Variants in ZNRF3 observed in about 807,000 individuals in gnomAD.
ZNRF3 encodes E3 ubiquitin-protein ligase ZNRF3.
Under a neutral mutation model 72.5 loss-of-function variants are expected in ZNRF3, and 23 were observed. The ratio of observed to expected loss-of-function variants is 0.32; its 90% CI spans 0.23 to 0.45. ZNRF3 has a LOEUF of 0.45. Among genes scored for constraint, ZNRF3 ranks in the 20% least tolerant of loss-of-function variants. The pLI, the probability that ZNRF3 is intolerant of heterozygous loss-of-function variation, is 1.00. For synonymous variants in ZNRF3, 610 were observed against 545.3 expected (o/e 1.12, Z -1.65); for missense variants, 1,169 against 1,272.1 (o/e 0.92, Z 1.23).
intron 2 of ZNRF3, among the ~76,000 whole-genome samples, chr22:29,008,156 A>C (rs1406585699): frequency 6.6e-6 from 1 of 152,170 alleles, no homozygotes; most frequent in Non-Finnish European, 1.5e-5. Flanking sequence ...TGGCACAATT[A>C]ATCTGTGTTC....
chr22:29,022,684 C>A (rs2123862272), intron 2 of ZNRF3, among the ~76,000 whole-genome samples: 1 of 152,326 alleles, frequency 6.6e-6, no homozygotes, highest in South Asian at 2.1e-4. Context: ...GAAGCAATCT[C>A]AGTAGGTTGG....
intron 2 of ZNRF3, among the ~76,000 whole-genome samples, chr22:28,991,710 C>G (rs764216198): frequency 6.6e-6 from 1 of 152,040 alleles, no homozygotes; most frequent in African/African-American, 2.4e-5. Flanking sequence ...ATAAGCAAAT[C>G]GAGTCCTAGA....
At chr22:28,987,318 C>G in intron 2 of ZNRF3, 117 bp downstream of exon 2, 1 of 1,458,746 alleles carries the variant, frequency 6.9e-7, no homozygotes, top group Non-Finnish European at 9.1e-7. Context: ...AGTGCTCCTT[C>G]CCGGCTGAAG....
At chr22:29,043,879 A>C (rs1461565951) in intron 4 of ZNRF3, among the ~76,000 whole-genome samples, 1 of 152,180 alleles carries the variant, frequency 6.6e-6, no homozygotes, top group South Asian at 2.1e-4. Context: ...AAACTCCCCA[A>C]GTTAATTTGA....
At chr22:28,905,171 G>A (rs750882616) in intron 1 of ZNRF3, among the ~76,000 whole-genome samples, 4 of 151,888 alleles carry the variant, frequency 2.6e-5, no homozygotes, top group East Asian at 1.9e-4. Context: ...TCCTGGGCTC[G>A]AGCAATCCTC....
rs372584021 is a variant in ZNRF3 at position 28,887,435 on chromosome 22, A to G, written c.300+3369A>G. Among the ~76,000 whole-genome samples the G allele has an allele frequency of 6.6e-4, 101 of 152,208 alleles. 4 individuals are homozygous for G. In the South Asian group the frequency reaches 0.014, roughly 21 times the overall value. ...GAGAGAGAGAGAGAGTGCAAGAGGG[A>G]GGGAGGTAGTAATTCAAACCTTAGG... On this transcript the variant is annotated intron_variant, in intron 1 of 8. Transcript: ENST00000544604.
Position 29,030,674 on chromosome 22 carries a change from G to A in ZNRF3, c.427-11821G>A, listed in dbSNP as rs2036729714. The stretch of plus-strand genomic sequence containing the variant: ...GTCGGAGAAGGCCGGATGGCAGCCC[G>A]CCCCGAAAGTCCCGGCCCGCTGGAT... On this transcript the variant is annotated intron_variant, in intron 2 of 8. Transcript: ENST00000544604. The surrounding 1 kb of genome is among the most constrained non-coding windows in gnomAD (Gnocchi z 4.2). Among the ~76,000 whole-genome samples the A allele has an allele frequency of 7.0e-6, 1 of 142,308 alleles. No homozygotes were observed. Among genetic ancestry groups the A allele is most frequent in the South Asian group, 2.2e-4 (1 of 4,538 alleles). The allele number at this position is 142,308 out of a possible 152,430, so 93.4% of individuals were successfully genotyped here.
chr22:29,002,493 A>C (rs1159239109), intron 2 of ZNRF3, among the ~76,000 whole-genome samples: 1 of 152,126 alleles, frequency 6.6e-6, no homozygotes. Context: ...TAAGCTTCCC[A>C]CCCCTGCTGC....
At chr22:29,044,962 G>A (rs746642338) in intron 5 of ZNRF3, 72 bp downstream of exon 5, 62 of 1,087,412 alleles carry the variant, frequency 5.7e-5, no homozygotes, top group East Asian at 3.1e-4. Flanking sequence ...CAGGACTCTC[G>A]TCACCTTATT....
chr22:29,006,470 C>A (rs185080956), intron 2 of ZNRF3, among the ~76,000 whole-genome samples: 34 of 152,240 alleles, frequency 2.2e-4, no homozygotes, highest in African/African-American at 7.9e-4. Flanking sequence ...CCTCGTCCTC[C>A]GAAAGTGCTG....
chr22:29,044,009 C>T (rs1422082634), intron 4 of ZNRF3, among the ~76,000 whole-genome samples: 4 of 152,328 alleles, frequency 2.6e-5, no homozygotes, highest in Admixed American at 1.3e-4. Flanking sequence ...GCCTCTTCTG[C>T]TCAAACCTCA....
chr22:28,906,206 A>G (rs922258929), intron 1 of ZNRF3, among the ~76,000 whole-genome samples: 2 of 152,232 alleles, frequency 1.3e-5, no homozygotes, highest in Non-Finnish European at 2.9e-5. Context: ...GCACGTCTGT[A>G]GTCCCAACTA....
At chr22:29,053,322 A>G (rs191037935) in intron 8 of ZNRF3, among the ~76,000 whole-genome samples, 18 of 152,332 alleles carry the variant, frequency 1.2e-4, no homozygotes, top group Admixed American at 6.5e-4. Context: ...CACCCAGTTA[A>G]CATCTTTAAT....
chr22:29,024,588 G>A (rs1362670935), intron 2 of ZNRF3, among the ~76,000 whole-genome samples: 3 of 152,050 alleles, frequency 2.0e-5, no homozygotes, highest in African/African-American at 7.2e-5. Context: ...CACTGTGCAT[G>A]TAGGGTCCCT....
In ZNRF3 at chr22:29,044,825, G is replaced by A. The variant is rs757477292; in HGVS notation, c.679G>A (p.Val227Ile). 49 of 1,613,932 alleles carry A rather than the reference G, an allele frequency of 3.0e-5. No individual in the cohort carries two copies. Among genetic ancestry groups the A allele is most frequent in the Non-Finnish European group, 3.7e-5 (44 of 1,180,034 alleles). ...CATGGGGATTTTCCTGGCTTTCTTCGTCGTGGTCTCCTTGGTCTGCCTCAT... is the reference window on the plus strand; with the variant it reads ...CATGGGGATTTTCCTGGCTTTCTTCATCGTGGTCTCCTTGGTCTGCCTCAT... ...FDMGIFLAFF[V>I]VVSLVCLILL... Residue 227 changes from valine to isoleucine, a missense_variant, in exon 5 of 9, where the codon GTC becomes ATC. Val to Ile is a conservative substitution (Grantham distance 29). Around this residue, in one of 2 missense-constraint regions of ZNRF3, gnomAD observed 386 missense variants for 540.7 expected, o/e 0.71. Coordinates refer to ENST00000544604, the MANE Select transcript of ZNRF3 (RefSeq NM_001206998.2).
chr22:28,987,166 T>G lies in ZNRF3; in HGVS notation c.391T>G (p.Leu131Val). 1.2e-6 allele frequency: 2 copies of G among 1,613,832 alleles called. No homozygotes were observed. The highest frequency in any genetic ancestry group is 1.1e-5 in the South Asian group (1 of 90,974). ...AGTGGTGAAGCTGGAACAGCCAGAA[T>G]TGGACCCGAAACCATGCCTCACTGT... is the stretch of plus-strand genomic sequence containing the variant. ...VGVVKLEQPE[L>V]DPKPCLTVLG... The change falls in exon 2 of 9, where the codon TTG becomes GTG. Residue 131 changes from leucine to valine, a missense_variant. Physicochemically the swap from Leu to Val is conservative, Grantham distance 32 (BLOSUM62 1). Coordinates refer to ENST00000544604, the MANE Select transcript of ZNRF3 (RefSeq NM_001206998.2).
At chr22:28,949,426 A>C (rs1002505870) in intron 1 of ZNRF3, among the ~76,000 whole-genome samples, 6 of 151,758 alleles carry the variant, frequency 4.0e-5, no homozygotes, top group African/African-American at 1.5e-4. Flanking sequence ...GCTGCATGCC[A>C]CTGTGACCAG....
intron 1 of ZNRF3, among the ~76,000 whole-genome samples, chr22:28,893,316 T>G (rs1330275990): frequency 6.6e-6 from 1 of 152,162 alleles, no homozygotes; most frequent in African/African-American, 2.4e-5. Context: ...CAGCAAACAT[T>G]TATTGAATGT....
chr22:28,981,987 C>T (rs570506784), intron 1 of ZNRF3, among the ~76,000 whole-genome samples: 19 of 151,620 alleles, frequency 1.3e-4, no homozygotes, highest in African/African-American at 3.9e-4. Flanking sequence ...ATGGAGACTC[C>T]GTCTAAAAAA....
Sources: gnomAD v4.1 joint callset for allele counts (sites outside exome capture counted in the v4.1 genomes callset) on GRCh38, gnomAD v4.1.1 for gene constraint, gnomAD v4.1.1 regional missense constraint, Gnocchi (gnomAD v3.1) non-coding constraint, MANE v1.5 for transcripts, NCBI Gene and HGNC (gene_info 2026-07-23, HGNC 2026-07-21) for gene names.